Variants in EML6 observed in about 807,000 individuals in gnomAD.
The protein encoded by EML6 is EMAP like 6, also known as echinoderm microtubule-associated protein-like 6.
In EML6, 154 loss-of-function variants were observed where a neutral mutation model predicts 240.1. That is an observed-to-expected ratio of 0.64 (90% CI 0.56 to 0.73). The LOEUF (loss-of-function observed/expected upper bound fraction) is 0.73, where lower values mean the gene tolerates loss of function less well. Among genes scored for constraint, EML6 ranks in the 30% least tolerant of loss-of-function variants. EML6 has a pLI of 0.00. For missense variants in EML6, 2,964 were observed against 2,474.6 expected, an observed-to-expected ratio of 1.20 and a Z score of -4.20; for synonymous variants, 1,148 against 899.0, an observed-to-expected ratio of 1.28 and a Z score of -4.95.
intron 2 of EML6, among the ~76,000 whole-genome samples, chr2:54,788,674 A>G (rs751872215): frequency 2.0e-5 from 3 of 152,190 alleles, no homozygotes; most frequent in Non-Finnish European, 4.4e-5. Context: ...TGTCTAATAG[A>G]ATGGCTTATC....
rs369778993 is a variant in EML6, at chr2:54,871,676, C to T, written c.2344+71C>T. On this transcript the variant is annotated intron_variant, in intron 16 of 41. Coordinates refer to ENST00000356458, the MANE Select transcript of EML6 (RefSeq NM_001039753.4). Reference sequence around the variant, plus strand: ...AGAGACACAGAGAGAGTATGCCCCGCGCATGCGCGCACGCGTGTGTGTGTA... The same window carrying T: ...AGAGACACAGAGAGAGTATGCCCCGTGCATGCGCGCACGCGTGTGTGTGTA... The T allele has an allele frequency of 6.0e-5, 65 of 1,077,092 alleles. 1 individual carries two copies. The highest frequency in any genetic ancestry group is 3.8e-4 in the Admixed American group (19 of 50,294). The allele number at this position is 1,077,092 out of a possible 1,614,324, so 66.7% of individuals were successfully genotyped here. A position where few individuals can be genotyped will look rare whatever the true frequency, so the allele number is the denominator to read the frequency against.
In EML6 at chr2:54,749,675, C is replaced by A. The variant is rs12615160; in HGVS notation, c.197+24417C>A. On this transcript the variant is annotated intron_variant, in intron 2 of 41. Coordinates refer to ENST00000356458, the MANE Select transcript of EML6 (RefSeq NM_001039753.4). ...AATTTTTGAGGTAGATACTATTATT[C>A]CCTGTTTACTGAAGAAGAAACTGAG... Among the ~76,000 whole-genome samples, 762 of 152,164 alleles carry A rather than the reference C, an allele frequency of 5.0e-3. 30 individuals are homozygous for A. The East Asian group carries it at 0.078, about 16-fold the overall frequency.
intron 2 of EML6, among the ~76,000 whole-genome samples, chr2:54,747,776 G>C (rs1683981969): frequency 6.6e-6 from 1 of 151,976 alleles, no homozygotes; most frequent in Non-Finnish European, 1.5e-5. Context: ...TTATCCTTAA[G>C]ATATGAAATT....
chr2:54,853,924 G>A (rs550215525), intron 11 of EML6, 69 bp downstream of exon 11: 49 of 935,254 alleles, frequency 5.2e-5, no homozygotes, highest in South Asian at 2.7e-4. Flanking sequence ...AATTAAGGCT[G>A]ATCTTCCTGC....
intron 21 of EML6, 103 bp from the exon 22 acceptor site, chr2:54,899,538 C>A: frequency 8.4e-7 from 1 of 1,186,676 alleles, no homozygotes; most frequent in East Asian, 2.7e-5. Context: ...CCTATTTGTG[C>A]TTTTTTGTGG....
chr2:54,918,968 G>C (rs1019289017), intron 26 of EML6, among the ~76,000 whole-genome samples: 2 of 152,144 alleles, frequency 1.3e-5, no homozygotes, highest in African/African-American at 4.8e-5. Flanking sequence ...ATTACCTCAT[G>C]AATCAATATT....
chr2:54,835,628 T>A, intron 7 of EML6, among the ~76,000 whole-genome samples: 1 of 152,122 alleles, frequency 6.6e-6, no homozygotes, highest in East Asian at 1.9e-4. Context: ...AGGTGGTTGT[T>A]CCAGAGTGTT....
intron 35 of EML6, among the ~76,000 whole-genome samples, 184 bp from the exon 36 acceptor site, chr2:54,962,339 C>G (rs976471956): frequency 1.3e-5 from 2 of 152,126 alleles, no homozygotes; most frequent in Non-Finnish European, 2.9e-5. Flanking sequence ...CCACCATCCA[C>G]AGAACTTTTC....
chr2:54,834,751 C>T (rs1224357316), intron 7 of EML6, among the ~76,000 whole-genome samples: 1 of 152,188 alleles, frequency 6.6e-6, no homozygotes, highest in Non-Finnish European at 1.5e-5. Context: ...GGCCAAAGTT[C>T]CAGGACATGA....
At chr2:54,805,519 A>G (rs1036146877) in intron 2 of EML6, among the ~76,000 whole-genome samples, 1 of 152,168 alleles carries the variant, frequency 6.6e-6, no homozygotes, top group African/African-American at 2.4e-5. Flanking sequence ...GTCTTCCAGC[A>G]TATTTTAAAT....
chr2:54,797,469 A>G (rs762560661), intron 2 of EML6, among the ~76,000 whole-genome samples: 3 of 152,168 alleles, frequency 2.0e-5, no homozygotes, highest in Non-Finnish European at 4.4e-5. Flanking sequence ...ATACACAGGT[A>G]TATATCGGAT....
At chr2:54,821,776 A>G (rs989604235) in intron 5 of EML6, among the ~76,000 whole-genome samples, 2 of 152,128 alleles carry the variant, frequency 1.3e-5, no homozygotes, top group Non-Finnish European at 2.9e-5. Flanking sequence ...TCAATTTTTT[A>G]GAAAAAGTCA....
At chr2:54,849,446 C>G (rs1230041282) in intron 9 of EML6, among the ~76,000 whole-genome samples, 1 of 152,172 alleles carries the variant, frequency 6.6e-6, no homozygotes. Context: ...TTTGTTTTTA[C>G]TTTGGAAGCC....
chr2:54,772,103 G>A (rs964086299), intron 2 of EML6, among the ~76,000 whole-genome samples: 2 of 152,202 alleles, frequency 1.3e-5, no homozygotes, highest in South Asian at 2.1e-4. Context: ...CATGAATCCC[G>A]TGGAAGCCAC....
At chr2:54,804,880 A>T (rs185266374) in intron 2 of EML6, among the ~76,000 whole-genome samples, 8 of 152,290 alleles carry the variant, frequency 5.3e-5, no homozygotes, top group African/African-American at 1.9e-4. Flanking sequence ...ATACATGAGG[A>T]TGTAGCTTAG....
In EML6 at chr2:54,970,242, A is replaced by G; in HGVS notation, c.*147A>G. ...ACAAGCTCAAAACGCTGCAGAAGTT[A>G]CACAACTGCTCCCATAATCTGGACT... is the stretch of plus-strand genomic sequence containing the variant. On this transcript the variant is annotated 3_prime_UTR_variant, in exon 42 of 42. Transcript: ENST00000356458. The G allele has an allele frequency of 1.3e-6, 1 of 761,166 alleles. No homozygotes were observed. Among genetic ancestry groups the G allele is most frequent in the Non-Finnish European group, 2.2e-6 (1 of 444,474 alleles). The allele number at this position is 761,166 out of a possible 1,614,324, so 47.2% of individuals were successfully genotyped here. A position where few individuals can be genotyped will look rare whatever the true frequency, so the allele number is the denominator to read the frequency against.
intron 18 of EML6, among the ~76,000 whole-genome samples, chr2:54,892,167 C>T (rs1226062594): frequency 6.6e-6 from 1 of 152,180 alleles, no homozygotes; most frequent in Non-Finnish European, 1.5e-5. Context: ...ATTGCTCTCT[C>T]CAGCCAGACT....
At chr2:54,936,741 C>T (rs1299709814) in intron 28 of EML6, among the ~76,000 whole-genome samples, 1 of 152,120 alleles carries the variant, frequency 6.6e-6, no homozygotes, top group Non-Finnish European at 1.5e-5. Context: ...TTACCACTTC[C>T]TGTTTCTACA....
In EML6 at chr2:54,957,805, G is replaced by C. The variant is rs1407979339; in HGVS notation, c.4502G>C (p.Ser1501Thr). 1.3e-6 allele frequency: 2 copies of C among 1,549,782 alleles called. No individual in the cohort carries two copies. Among genetic ancestry groups the C allele is most frequent in the East Asian group, 2.4e-5 (1 of 40,942 alleles). ...ACCCACACAGGTGCCAAGGTTGCCA[G>C]CCGAGGGGGTCACCTGGAGCGCATA... ...WRWQEGAKVA[S>T]RGGHLERIFV... Residue 1501 changes from serine to threonine, a missense_variant, in exon 33 of 42, where the codon AGC (serine) becomes ACC (threonine). Coordinates refer to ENST00000356458, the MANE Select transcript of EML6 (RefSeq NM_001039753.4).
Sources: gnomAD v4.1 joint callset for allele counts (sites outside exome capture counted in the v4.1 genomes callset) on GRCh38, gnomAD v4.1.1 for gene constraint, MANE v1.5 for transcripts, NCBI Gene and HGNC (gene_info 2026-07-23, HGNC 2026-07-21) for gene names.